TXNL4A: variants seen among roughly 807,000 people sequenced by gnomAD.
TXNL4A encodes the protein thioredoxin like 4A.
Under a neutral mutation model 14.6 loss-of-function variants are expected in TXNL4A, and 17 were observed. The ratio of observed to expected loss-of-function variants is 1.16; its 90% CI spans 0.80 to 1.74. The LOEUF (loss-of-function observed/expected upper bound fraction) is 1.74. Ranked by LOEUF, TXNL4A falls within the 40% of genes most tolerant of loss-of-function variation. TXNL4A has a pLI of 0.00. For missense variants in TXNL4A, 74 were observed against 195.2 expected (o/e 0.38, Z 3.70); for synonymous variants, 83 against 70.6 (o/e 1.18, Z -0.88).
intron 1 of TXNL4A, among the ~76,000 whole-genome samples, chr18:80,017,383 G>A (rs891938320): frequency 2.6e-5 from 4 of 151,682 alleles, no homozygotes; most frequent in African/African-American, 9.6e-5. Flanking sequence ...GCCCTGGCCA[G>A]AACTTCCAAC....
At chr18:79,974,172 G>C (rs1350641549) in intron 2 of TXNL4A, among the ~76,000 whole-genome samples, 1 of 152,100 alleles carries the variant, frequency 6.6e-6, no homozygotes, top group Non-Finnish European at 1.5e-5. Flanking sequence ...CAACTCTATG[G>C]GAGGCTGAGG....
upstream of TXNL4A, among the ~76,000 whole-genome samples, chr18:79,990,505 A>C (rs1264635312): frequency 2.8e-4 from 42 of 152,176 alleles, no homozygotes; most frequent in Non-Finnish European, 1.0e-4. Context: ...CCAGGTACAC[A>C]CTGGAGAAAT....
At chr18:79,991,156 A>T (rs544740934), upstream of TXNL4A, among the ~76,000 whole-genome samples, 1 of 151,850 alleles carries the variant, frequency 6.6e-6, no homozygotes, top group East Asian at 1.9e-4. Flanking sequence ...TCCATATACT[A>T]TAAAATTCAC....
At chr18:80,020,179 TTCC>T (rs1490015188) in intron 1 of TXNL4A, among the ~76,000 whole-genome samples, 2 of 152,348 alleles carry the variant, frequency 1.3e-5, no homozygotes, top group South Asian at 2.1e-4. Context: ...AAGATGTGAC[TTCC>T]TCCTCCTATT....
Position 79,988,132 on chromosome 18 carries a change from G to C in TXNL4A, c.153+108C>G, listed in dbSNP as rs555531463. On this transcript the variant is annotated intron_variant, in intron 1 of 2. Coordinates refer to ENST00000269601, the MANE Select transcript of TXNL4A (RefSeq NM_006701.5). ...GGAATCGCCTGAACGACGGAGCCGC[G>C]GCCCCTCCTCGGGGAACAGCTCGCG... 2.4e-6 allele frequency: 3 copies of C among 1,252,864 alleles called. No homozygotes were observed. In the East Asian group the frequency reaches 9.1e-5, roughly 38 times the overall value. The allele number at this position is 1,252,864 out of a possible 1,614,324, so 77.6% of individuals were successfully genotyped here.
chr18:80,033,612 GGCTTCGAT>G (rs2051941436), intron 1 of TXNL4A, among the ~76,000 whole-genome samples: 1 of 152,252 alleles, frequency 6.6e-6, no homozygotes, highest in South Asian at 2.1e-4. Flanking sequence ...CAGGTCTCCA[GGCTTCGAT>G]GCCTTCGTTG....
chr18:80,018,993 G>T (rs115837309), intron 1 of TXNL4A, among the ~76,000 whole-genome samples: 1 of 152,088 alleles, frequency 6.6e-6, no homozygotes, highest in African/African-American at 2.4e-5. Context: ...TGTCCATATC[G>T]CTATCAAAAT....
chr18:79,978,796 A>G (rs746606155), intron 1 of TXNL4A, among the ~76,000 whole-genome samples: 37 of 147,716 alleles, frequency 2.5e-4, no homozygotes, highest in Non-Finnish European at 5.0e-4. Context: ...GCCTGGCAAT[A>G]TTTTTACTAT....
chr18:79,994,755 T>A (rs1599737232), intron 1 of TXNL4A, among the ~76,000 whole-genome samples: 1 of 152,134 alleles, frequency 6.6e-6, no homozygotes, highest in Non-Finnish European at 1.5e-5. Context: ...TCCAAATCCC[T>A]TACTTCCCCC....
At chr18:79,993,136 C>T (rs1470044713), upstream of TXNL4A, among the ~76,000 whole-genome samples, 2 of 152,136 alleles carry the variant, frequency 1.3e-5, no homozygotes, top group Non-Finnish European at 2.9e-5. The surrounding 1 kb of genome is among the most constrained non-coding windows in gnomAD (Gnocchi z 4.4). Context: ...GTGGTAACCA[C>T]TAAGGGAACC....
chr18:79,987,731 C>A (rs1181379405), intron 1 of TXNL4A, among the ~76,000 whole-genome samples: 1 of 152,156 alleles, frequency 6.6e-6, no homozygotes, highest in Non-Finnish European at 1.5e-5. Flanking sequence ...GTTTACTGCA[C>A]CTCAATCACT....
chr18:80,002,041 G>T (rs2051701480), intron 1 of TXNL4A, among the ~76,000 whole-genome samples: 1 of 152,162 alleles, frequency 6.6e-6, no homozygotes, highest in Admixed American at 6.5e-5. Context: ...ATGTGTTTTG[G>T]GAGGGATCTG....
rs768380065 is a variant in TXNL4A at position 80,012,074 on chromosome 18, GTCTCTT to G, written c.-61+21771_-61+21776del. Reference sequence around the variant, plus strand: ...GACGCGCCTTTTAAACTCTTACTCTGTCTCTTTCTAACTCCTTTGTTTCTGCTGGAC... The same window carrying G: ...GACGCGCCTTTTAAACTCTTACTCTGTCTAACTCCTTTGTTTCTGCTGGAC... On this transcript the variant is annotated intron_variant, in intron 1 of 2. Coordinates refer to the TXNL4A transcript ENST00000585474. Among the ~76,000 whole-genome samples, 5 of 152,174 alleles carry G rather than the reference GTCTCTT, an allele frequency of 3.3e-5. No homozygotes were observed. In the South Asian group the frequency reaches 6.2e-4, roughly 19 times the overall value.
At chr18:79,980,731 T>C (rs1028512568) in intron 1 of TXNL4A, among the ~76,000 whole-genome samples, 5 of 152,070 alleles carry the variant, frequency 3.3e-5, no homozygotes, top group Non-Finnish European at 7.4e-5. Context: ...TCGCCATCCA[T>C]GTGCTTTCAA....
intron 1 of TXNL4A, among the ~76,000 whole-genome samples, chr18:79,984,800 G>A (rs2051519033): frequency 3.3e-5 from 5 of 152,230 alleles, no homozygotes; most frequent in Admixed American, 3.3e-4. Flanking sequence ...AACTCTATTT[G>A]CGTGGGCTTT....
At chr18:79,987,978 ATAAT>A (rs2051578900) in intron 1 of TXNL4A, among the ~76,000 whole-genome samples, 2 of 152,402 alleles carry the variant, frequency 1.3e-5, no homozygotes, top group Middle Eastern at 3.4e-3. Context: ...ATCAACAGAA[ATAAT>A]TAATTCATTT....
At chr18:80,010,369 T>C (rs1394215310) in intron 1 of TXNL4A, among the ~76,000 whole-genome samples, 2 of 152,132 alleles carry the variant, frequency 1.3e-5, no homozygotes, top group Non-Finnish European at 2.9e-5. Context: ...CAGGACCTAC[T>C]GGAAAGCTTG....
chr18:80,021,302 G>A (rs188843066), intron 1 of TXNL4A, among the ~76,000 whole-genome samples: 31 of 152,002 alleles, frequency 2.0e-4, no homozygotes, highest in Admixed American at 1.5e-3. Context: ...TCAGCCTCCC[G>A]AGTAGCTGGG....
chr18:79,975,420 T>A (rs995863635), intron 2 of TXNL4A, among the ~76,000 whole-genome samples: 1 of 152,228 alleles, frequency 6.6e-6, no homozygotes, highest in Non-Finnish European at 1.5e-5. Context: ...GCATCAGTCC[T>A]AAAAATATCA....
Sources: gnomAD v4.1 joint callset for allele counts (sites outside exome capture counted in the v4.1 genomes callset) on GRCh38, gnomAD v4.1.1 for gene constraint, Gnocchi (gnomAD v3.1) non-coding constraint, MANE v1.5 for transcripts, NCBI Gene and HGNC (gene_info 2026-07-23, HGNC 2026-07-21) for gene names.